NFE2L3: variants seen among roughly 807,000 people sequenced by gnomAD.
NFE2L3 encodes nuclear factor erythroid 2-related factor 3.
A neutral mutation model predicts 23.5 loss-of-function variants in NFE2L3; 18 were observed. The ratio of observed to expected loss-of-function variants is 0.77; its 90% CI spans 0.53 to 1.13. The LOEUF is 1.13. Among genes scored for constraint, NFE2L3 ranks in the 50% most tolerant of loss-of-function variants. The probability of loss-of-function intolerance (pLI) is 0.00; values close to 1 mark genes in which losing one functional copy is unlikely to be tolerated. For missense variants in NFE2L3, 1,152 were observed against 877.2 expected (o/e 1.31, Z -3.96); for synonymous variants, 424 against 354.5 (o/e 1.20, Z -2.20).
At chr7:26,158,002 G>T (rs1784108506) in intron 1 of NFE2L3, among the ~76,000 whole-genome samples, 1 of 152,084 alleles carries the variant, frequency 6.6e-6, no homozygotes, top group African/African-American at 2.4e-5. Context: ...CTATGTGCAT[G>T]TCTGTATCCA....
intron 1 of NFE2L3, among the ~76,000 whole-genome samples, chr7:26,163,537 G>C (rs1438052149): frequency 6.6e-6 from 1 of 152,114 alleles, no homozygotes; most frequent in African/African-American, 2.4e-5. Context: ...AGTAGAGACG[G>C]GATTTCACCA....
intron 1 of NFE2L3, among the ~76,000 whole-genome samples, chr7:26,162,876 C>G (rs1034804225): frequency 6.6e-6 from 1 of 152,030 alleles, no homozygotes; most frequent in African/African-American, 2.4e-5. Flanking sequence ...CCACGCCTGG[C>G]TGATTTCTGG....
rs774071346 is a variant in NFE2L3, at chr7:26,185,453, A to AG, written c.1758dup (p.Lys587GlufsTer3). ...CACTTATCCGTGACATCAGACGAAG[A>AG]GGGAAAAATAAAGTTGCTGCGCAGA... On this transcript the variant is annotated frameshift_variant, in exon 4 of 4. Transcript: ENST00000056233. LOFTEE classifies it low-confidence loss of function (END_TRUNC). 1.9e-6 allele frequency: 3 copies of AG among 1,614,118 alleles called. No individual in the cohort carries two copies. Among genetic ancestry groups the AG allele is most frequent in the South Asian group, 1.1e-5 (1 of 91,076 alleles).
chr7:26,153,211 C>A, intron 1 of NFE2L3, 143 bp downstream of exon 1: 2 of 797,804 alleles, frequency 2.5e-6, no homozygotes, highest in Non-Finnish European at 3.7e-6. Context: ...GCAGATGCTG[C>A]TGCTCTGATT....
At chr7:26,181,227 T>A (rs545008268) in intron 2 of NFE2L3, among the ~76,000 whole-genome samples, 24 of 152,322 alleles carry the variant, frequency 1.6e-4, no homozygotes, top group African/African-American at 5.8e-4. Context: ...TCTGCCCACT[T>A]TGGCCTCCCA....
At position 26,152,931 on chromosome 7, in the gene NFE2L3, G is replaced by A; in HGVS notation, c.433G>A (p.Gly145Ser). 1 of 1,439,742 alleles carries A rather than the reference G, an allele frequency of 6.9e-7. No individual in the cohort carries two copies. The highest frequency in any genetic ancestry group is 9.0e-7 in the Non-Finnish European group (1 of 1,108,932). 89.2% of individuals were successfully genotyped at this position (1,439,742 alleles called of 1,614,324 possible). The change falls in exon 1 of 4, where the codon GGC (glycine) becomes AGC (serine). Residue 145 changes from glycine (G) to serine (S), a missense_variant. By Grantham distance (56) the Gly-to-Ser change is moderately conservative (BLOSUM62 0). Transcript: ENST00000056233. The surrounding 1 kb of genome is among the most constrained non-coding windows in gnomAD (Gnocchi z 4.4). Reference protein sequence around the residue: ...STGGAGASVDGGSQAVQGGGG... With the variant: ...STGGAGASVDSGSQAVQGGGG... ...CGGAGGAGCCGGCGCCAGCGTGGAC[G>A]GCGGCAGCCAGGCTGTGCAGGGGGG...
At chr7:26,176,037 T>C (rs1784399483) in intron 1 of NFE2L3, among the ~76,000 whole-genome samples, 1 of 151,686 alleles carries the variant, frequency 6.6e-6, no homozygotes, top group Admixed American at 6.6e-5. Context: ...CCCTGGGTAC[T>C]TGAGATTAGG....
chr7:26,184,172 TTCACTGTAGTTTATTA>T, intron 3 of NFE2L3: 1 of 336,072 alleles, frequency 3.0e-6, no homozygotes, highest in Non-Finnish European at 5.5e-6. Flanking sequence ...TCCAGACTAC[TTCACTGTAGTTTATTA>T]TCCCTGACCC....
chr7:26,182,809 A>AT (rs561455010), intron 2 of NFE2L3, among the ~76,000 whole-genome samples: 1 of 152,244 alleles, frequency 6.6e-6, no homozygotes, highest in South Asian at 2.1e-4. Flanking sequence ...CTGTAAAAAT[A>AT]TTTTTTGAGA....
At chr7:26,177,890 A>G in intron 1 of NFE2L3, 53 bp from the exon 2 acceptor site, 3 of 1,485,950 alleles carry the variant, frequency 2.0e-6, no homozygotes, top group Non-Finnish European at 2.8e-6. Context: ...CAATAAGCAC[A>G]ATGCAGTTTT....
At chr7:26,156,262 G>A (rs1784079534) in intron 1 of NFE2L3, among the ~76,000 whole-genome samples, 2 of 152,198 alleles carry the variant, frequency 1.3e-5, no homozygotes, top group African/African-American at 4.8e-5. Context: ...TGTCACTTAA[G>A]TGCTTAGTTA....
chr7:26,166,142 G>A (rs1784248363), intron 1 of NFE2L3, among the ~76,000 whole-genome samples: 1 of 148,648 alleles, frequency 6.7e-6, no homozygotes, highest in Non-Finnish European at 1.5e-5. Context: ...GGGGCGGGGG[G>A]GAAAGAATTC....
At chr7:26,172,454 G>C (rs992426968) in intron 1 of NFE2L3, among the ~76,000 whole-genome samples, 2 of 152,146 alleles carry the variant, frequency 1.3e-5, no homozygotes, top group Non-Finnish European at 2.9e-5. Flanking sequence ...CCTAAGAACA[G>C]TGATTTTCTT....
In NFE2L3 at chr7:26,152,513, G is replaced by A; in HGVS notation, c.15G>A (p.Lys5=). 2 of 1,396,012 alleles carry A rather than the reference G, an allele frequency of 1.4e-6. No homozygotes were observed. The highest frequency in any genetic ancestry group is 1.9e-4 in the Middle Eastern group (1 of 5,280). The allele number at this position is 1,396,012 out of a possible 1,614,324, so 86.5% of individuals were successfully genotyped here. Residue 5 remains lysine (K), a synonymous_variant, in exon 1 of 4, where the codon AAG becomes AAA. Transcript: ENST00000056233. This position sits in a 1 kb window ranked among gnomAD's most constrained non-coding sequence, Gnocchi z 4.4. ...GCGCGGCGGCGATGAAGCACCTGAA[G>A]CGGTGGTGGTCGGCCGGCGGCGGCC... The part of the protein sequence containing the change: MKHL[K]RWWSAGGGLL...
Position 26,184,997 on chromosome 7 carries a change from C to T in NFE2L3, c.1299C>T (p.Ile433=). ...CAAGTCACAATAATACCTCTGTCAT[C>T]AAGTCTAATTCCTCTCACTCTGTGT... The part of the protein sequence containing the change: ...LDSSHNNTSV[I]KSNSSHSVCD... Residue 433 remains isoleucine (I), a synonymous_variant, in exon 4 of 4, where the codon ATC becomes ATT. Transcript: ENST00000056233. The T allele has an allele frequency of 6.2e-7, 1 of 1,613,810 alleles. No individual in the cohort carries two copies. Among genetic ancestry groups the T allele is most frequent in the Non-Finnish European group, 8.5e-7 (1 of 1,179,820 alleles).
At chr7:26,161,689 C>A (rs1030026705) in intron 1 of NFE2L3, among the ~76,000 whole-genome samples, 1 of 152,056 alleles carries the variant, frequency 6.6e-6, no homozygotes, top group East Asian at 1.9e-4. Flanking sequence ...TTACCAGGTA[C>A]TTAAAAGTCA....
intron 1 of NFE2L3, among the ~76,000 whole-genome samples, chr7:26,162,898 T>C (rs1784194839): frequency 6.6e-6 from 1 of 152,020 alleles, no homozygotes. Context: ...ATTTTTGTAG[T>C]GATGGGTTTC....
intron 1 of NFE2L3, among the ~76,000 whole-genome samples, chr7:26,155,435 C>CT (rs1490519150): frequency 6.6e-6 from 1 of 151,972 alleles, no homozygotes; most frequent in Non-Finnish European, 1.5e-5. Context: ...GAGTGAGACT[C>CT]TGTCTCAAAA....
chr7:26,185,938 A>G lies in NFE2L3; in HGVS notation c.*155A>G. 1.5e-6 allele frequency: 1 copy of G among 650,774 alleles called. No individual in the cohort carries two copies. The highest frequency in any genetic ancestry group is 2.5e-6 in the Non-Finnish European group (1 of 400,612). The allele number at this position is 650,774 out of a possible 1,614,324, so 40.3% of individuals were successfully genotyped here. A position where few individuals can be genotyped will look rare whatever the true frequency, so the allele number is the denominator to read the frequency against. ...CGCTGTTTTGAAGCTTACATGGACA[A>G]ATGTTTAGGACTTCAAGATCACACT... On this transcript the variant is annotated 3_prime_UTR_variant, in exon 4 of 4. Transcript: ENST00000056233.
Sources: gnomAD v4.1 joint callset for allele counts (sites outside exome capture counted in the v4.1 genomes callset) on GRCh38, gnomAD v4.1.1 for gene constraint, Gnocchi (gnomAD v3.1) non-coding constraint, MANE v1.5 for transcripts, NCBI Gene and HGNC (gene_info 2026-07-23, HGNC 2026-07-21) for gene names.